Variants in CARMIL2 observed in about 807,000 individuals in gnomAD.
CARMIL2 encodes capping protein regulator and myosin 1 linker 2, also known as capping protein, Arp2/3 and myosin-I linker protein 2.
A neutral mutation model predicts 173.3 loss-of-function variants in CARMIL2; 96 were observed. The observed-to-expected ratio is 0.55, with a 90% CI of 0.47 to 0.66. The LOEUF (loss-of-function observed/expected upper bound fraction) is 0.66. Among genes scored for constraint, CARMIL2 ranks in the 30% least tolerant of loss-of-function variants. The pLI, the probability that CARMIL2 is intolerant of heterozygous loss-of-function variation, is 0.00. For missense variants in CARMIL2, 1,771 were observed against 1,906.7 expected (o/e 0.93, Z 1.33); for synonymous variants, 830 against 817.1 (o/e 1.02, Z -0.27).
At position 67,653,477 on chromosome 16, in the gene CARMIL2, G is replaced by A. The variant is rs1374627438; in HGVS notation, c.3120+223G>A. 6.6e-6 allele frequency among the ~76,000 whole-genome samples: 1 copy of A among 151,996 alleles called. No individual in the cohort carries two copies. The highest frequency in any genetic ancestry group is 2.4e-5 in the African/African-American group (1 of 41,408). On this transcript the variant is annotated intron_variant, in intron 29 of 37. Transcript: ENST00000334583. The surrounding 1 kb of genome is among the most constrained non-coding windows in gnomAD (Gnocchi z 7.4). The stretch of plus-strand genomic sequence containing the variant: ...GCGGGTTCCGTTCGGGGTGTGCCTG[G>A]GTGTGGGACTCCGTCTCGGGGCGGC...
chr16:67,656,265 C>G lies in CARMIL2; in HGVS notation c.3780C>G (p.Ile1260Met), dbSNP rs745425798. ...IMDSSTEAPP[I>M]SIKSRTHSVS... The stretch of plus-strand genomic sequence containing the variant: ...ACAGTTCCACGGAGGCCCCTCCCAT[C>G]TCGATCAAGTCCCGCACCCACTCTG... The change falls in exon 34 of 38, where the codon ATC becomes ATG. Residue 1260 changes from isoleucine (I) to methionine (M), a missense_variant. By Grantham distance (10) the Ile-to-Met change is conservative (BLOSUM62 1). Around this residue, in one of 3 missense-constraint regions of CARMIL2, gnomAD observed 817 missense variants for 903.5 expected, o/e 0.90. Coordinates refer to ENST00000334583, the MANE Select transcript of CARMIL2 (RefSeq NM_001013838.3). The G allele has an allele frequency of 6.2e-7, 1 of 1,614,032 alleles. No individual in the cohort carries two copies. The highest frequency in any genetic ancestry group is 1.1e-5 in the South Asian group (1 of 91,090).
Position 67,652,502 on chromosome 16 carries a change from C to T in CARMIL2, c.2848C>T (p.Leu950Phe). Residue 950 changes from leucine (L) to phenylalanine (F), a missense_variant, in exon 28 of 38, where the codon CTC (leucine) becomes TTC (phenylalanine). Physicochemically the swap from Leu to Phe is conservative, Grantham distance 22. Transcript: ENST00000334583. This position sits in a 1 kb window ranked among gnomAD's most constrained non-coding sequence, Gnocchi z 4.7. ...CAGTCCTCCACAGAAATGGCCTGAG[C>T]TCAGCCACGGTCTTCACCTGGTCCC... The part of the protein sequence containing the change: ...DDSPPQKWPE[L>F]SHGLHLVPFI... The T allele has an allele frequency of 6.2e-7, 1 of 1,613,646 alleles. No individual in the cohort carries two copies. Among genetic ancestry groups the T allele is most frequent in the South Asian group, 1.1e-5 (1 of 91,060 alleles).
rs1163581485 is a variant in CARMIL2 at position 67,645,553 on chromosome 16, G to A, written c.54G>A (p.Arg18=). ...GCCCTTCCACAGGCGAGATCACCAG[G>A]TTCCTGTGGCCCAAAGAGGTGGAGC... ...ISCELRGEIT[R]FLWPKEVELL... Residue 18 remains arginine, a synonymous_variant, in exon 2 of 38, where the codon AGG becomes AGA. Transcript: ENST00000334583. 2 of 1,606,366 alleles carry A rather than the reference G, an allele frequency of 1.2e-6. No homozygotes were observed. The highest frequency in any genetic ancestry group is 1.7e-6 in the Non-Finnish European group (2 of 1,176,616).
chr16:67,652,748 C>A lies in CARMIL2; in HGVS notation c.2884+210C>A, dbSNP rs1027423873. 1.3e-5 allele frequency among the ~76,000 whole-genome samples: 2 copies of A among 152,242 alleles called. No individual in the cohort carries two copies. Among genetic ancestry groups the A allele is most frequent in the South Asian group, 2.1e-4 (1 of 4,832 alleles). On this transcript the variant is annotated intron_variant, in intron 28 of 37. Coordinates refer to ENST00000334583, the MANE Select transcript of CARMIL2 (RefSeq NM_001013838.3). This position sits in a 1 kb window ranked among gnomAD's most constrained non-coding sequence, Gnocchi z 4.7. ...GGACCTGGGCGGATCTGGGACAGGA[C>A]ACCGGCTCAGCTCGCCTCCCCGCGC...
rs985801648 is a variant in CARMIL2, at chr16:67,651,302, A to G, written c.2300A>G (p.Asn767Ser). The change falls in exon 23 of 38, where the codon AAC (asparagine) becomes AGC (serine). Residue 767 changes from asparagine (N) to serine (S), a missense_variant. Transcript: ENST00000334583. This position sits in a 1 kb window ranked among gnomAD's most constrained non-coding sequence, Gnocchi z 4.2. Reference sequence around the variant, plus strand: ...GCCGAGGATGCCATCCAAAATGCCAACTTCTCTCTCAGCGTGAGCACTCCC... The same window carrying G: ...GCCGAGGATGCCATCCAAAATGCCAGCTTCTCTCTCAGCGTGAGCACTCCC... ...RQAEDAIQNA[N>S]FSLSILPILY... is the part of the protein sequence containing the mutation. The G allele has an allele frequency of 2.5e-6, 4 of 1,613,572 alleles. No individual in the cohort carries two copies. Among genetic ancestry groups the G allele is most frequent in the Non-Finnish European group, 3.4e-6 (4 of 1,179,838 alleles).
chr16:67,646,503 C>G lies in CARMIL2; in HGVS notation c.452C>G (p.Pro151Arg), dbSNP rs1238747874. 1.2e-6 allele frequency: 2 copies of G among 1,613,206 alleles called. No individual in the cohort carries two copies. Among genetic ancestry groups the G allele is most frequent in the Admixed American group, 3.3e-5 (2 of 59,974 alleles). Reference sequence around the variant, plus strand: ...AGCAGCCCCTCGGAGTCCACTGACCCCTGCAGCCCCTGTGGTAAGGGTGAA... The same window carrying G: ...AGCAGCCCCTCGGAGTCCACTGACCGCTGCAGCCCCTGTGGTAAGGGTGAA... Reference protein sequence around the residue: ...ERSSPSESTDPCSPCGGFLET... With the variant: ...ERSSPSESTDRCSPCGGFLET... The change falls in exon 6 of 38, where the codon CCC becomes CGC. Residue 151 changes from proline to arginine, a missense_variant. By Grantham distance (103) the Pro-to-Arg change is moderately radical. This residue lies in a region of CARMIL2 where 944 missense variants were observed against 975.6 expected (regional missense o/e 0.97). Transcript: ENST00000334583. The surrounding 1 kb of genome is among the most constrained non-coding windows in gnomAD (Gnocchi z 4.6).
At chr16:67,650,507 C>A in intron 22 of CARMIL2, 1 of 339,802 alleles carries the variant, frequency 2.9e-6, no homozygotes, top group Admixed American at 4.5e-5. Context: ...TCACTGTCTT[C>A]ATCTCCCTCC....
At position 67,654,346 on chromosome 16, in the gene CARMIL2, A is replaced by T. The variant is rs1464774467; in HGVS notation, c.3236A>T (p.Glu1079Val). Residue 1079 changes from glutamate (E) to valine (V), a missense_variant, in exon 31 of 38, where the codon GAG becomes GTG. Glu to Val is a moderately radical substitution (Grantham distance 121). Coordinates refer to ENST00000334583, the MANE Select transcript of CARMIL2 (RefSeq NM_001013838.3). ...IQQDRLWAPE[E>V]DPATEGGATP... is the part of the protein sequence containing the mutation. ...TGTCCCCACAGCTGGGCCCCCGAGG[A>T]GGACCCGGCCACTGAGGGGGGCGCC... The T allele has an allele frequency of 6.3e-7, 1 of 1,597,170 alleles. No homozygotes were observed.
rs771155323 is a variant in CARMIL2 at position 67,652,005 on chromosome 16, G to T, written c.2673G>T (p.Gln891His). 1.2e-6 allele frequency: 2 copies of T among 1,613,462 alleles called. No homozygotes were observed. Among genetic ancestry groups the T allele is most frequent in the Non-Finnish European group, 1.7e-6 (2 of 1,179,832 alleles). The change falls in exon 26 of 38, where the codon CAG becomes CAT. Residue 891 changes from glutamine to histidine, a missense_variant. Around this residue, in one of 3 missense-constraint regions of CARMIL2, gnomAD observed 817 missense variants for 903.5 expected, o/e 0.90. Transcript: ENST00000334583. The surrounding 1 kb of genome is among the most constrained non-coding windows in gnomAD (Gnocchi z 4.7). ...ALAGLSAARD[Q>H]LVESLAQQAT... ...CAGGCCTGAGTGCAGCCCGGGATCAGCTGGTGAGGGGGAGATGTGCACACA... is the reference window on the plus strand; with the variant it reads ...CAGGCCTGAGTGCAGCCCGGGATCATCTGGTGAGGGGGAGATGTGCACACA...
rs558193571 is a variant in CARMIL2, at chr16:67,647,350, C to G, written c.739C>G (p.Leu247Val). 3.8e-5 allele frequency: 61 copies of G among 1,585,234 alleles called. No individual in the cohort carries two copies. Among genetic ancestry groups the G allele is most frequent in the Non-Finnish European group, 5.1e-5 (60 of 1,165,722 alleles). ...ILHMMSQSSH[L>V]EELVLETCSL... Reference sequence around the variant, plus strand: ...GCACATGATGAGTCAGTCATCACACCTGGAGGAGCTGGTGCTGGAGACCTG... The same window carrying G: ...GCACATGATGAGTCAGTCATCACACGTGGAGGAGCTGGTGCTGGAGACCTG... The change falls in exon 10 of 38, where the codon CTG (leucine) becomes GTG (valine). Residue 247 changes from leucine to valine, a missense_variant. By Grantham distance (32) the Leu-to-Val change is conservative. Transcript: ENST00000334583.
intron 22 of CARMIL2, chr16:67,650,373 G>A (rs1247520715): frequency 5.2e-6 from 3 of 577,026 alleles, no homozygotes; most frequent in East Asian, 5.7e-5. Context: ...TAAACAGGCT[G>A]TCCTGTTAGA....
Position 67,647,862 on chromosome 16 carries a change from C to T in CARMIL2, c.975C>T (p.Gly325=), listed in dbSNP as rs769313219. 1.1e-5 allele frequency: 17 copies of T among 1,609,514 alleles called. No individual in the cohort carries two copies. Among genetic ancestry groups the T allele is most frequent in the Non-Finnish European group, 1.3e-5 (15 of 1,178,302 alleles). Residue 325 remains glycine (G), a synonymous_variant, in exon 13 of 38, where the codon GGC becomes GGT. Transcript: ENST00000334583. ...GLTPRGMRAL[G]RALATNAAFD... ...CACCACCAGGAATGAGGGCTCTGGG[C>T]CGGGCACTGGCCACCAATGCCGCCT... is the stretch of plus-strand genomic sequence containing the variant.
intron 36 of CARMIL2, 85 bp downstream of exon 36, chr16:67,656,966 T>C: frequency 8.9e-7 from 1 of 1,128,412 alleles, no homozygotes; most frequent in South Asian, 1.5e-5. Context: ...GCTTTGGTCC[T>C]TGGAGGGAGC....
chr16:67,649,798 C>T lies in CARMIL2; in HGVS notation c.1920-8C>T. On this transcript the variant is annotated splice_region_variant and splice_polypyrimidine_tract_variant and intron_variant, in intron 20 of 37. Coordinates refer to ENST00000334583, the MANE Select transcript of CARMIL2 (RefSeq NM_001013838.3). This position sits in a 1 kb window ranked among gnomAD's most constrained non-coding sequence, Gnocchi z 6.7. ...CTCCGTCCCCGACTGAAGCCAGGCC[C>T]GGCCCAGGTCTGTGGTCTGGGACCG... is the stretch of plus-strand genomic sequence containing the variant. 2 of 1,607,978 alleles carry T rather than the reference C, an allele frequency of 1.2e-6. No homozygotes were observed. Among genetic ancestry groups the T allele is most frequent in the Non-Finnish European group, 1.7e-6 (2 of 1,176,730 alleles).
In CARMIL2 at chr16:67,654,778, C is replaced by T. The variant is rs757751829; in HGVS notation, c.3583C>T (p.Arg1195Trp). ...EATLGARPDK[R>W]RPLERGETEL... ...CCAACTCGAGCATCTCTGTCCCTAG[C>T]GGCGGCCCCTGGAGCGGGGAGAAAC... The change falls in exon 32 of 38, where the codon CGG becomes TGG. Residue 1195 changes from arginine (R) to tryptophan (W), a missense_variant and splice_region_variant. Coordinates refer to ENST00000334583, the MANE Select transcript of CARMIL2 (RefSeq NM_001013838.3). The T allele has an allele frequency of 2.5e-5, 40 of 1,613,186 alleles. No homozygotes were observed. Among genetic ancestry groups the T allele is most frequent in the Non-Finnish European group, 3.2e-5 (38 of 1,179,862 alleles).
Position 67,646,785 on chromosome 16 carries a change from G to GT in CARMIL2, c.537+2dup, listed in dbSNP as rs1567627087. 6.2e-7 allele frequency: 1 copy of GT among 1,613,962 alleles called. No homozygotes were observed. Among genetic ancestry groups the GT allele is most frequent in the East Asian group, 2.2e-5 (1 of 44,890 alleles). The stretch of plus-strand genomic sequence containing the variant: ...CCCTTTCCGAGAGGAGATTCAGTGG[G>GT]TGAGGGTAGGGCCCTTTTGAAGGGC... On this transcript the variant is annotated splice_donor_variant, in intron 7 of 37. Coordinates refer to ENST00000334583, the MANE Select transcript of CARMIL2 (RefSeq NM_001013838.3). LOFTEE classifies it high-confidence loss of function. The surrounding 1 kb of genome is among the most constrained non-coding windows in gnomAD (Gnocchi z 4.6).
rs1175031920 is a variant in CARMIL2 at position 67,652,496 on chromosome 16, C to T, written c.2842C>T (p.Pro948Ser). ...GGATGACAGTCCTCCACAGAAATGG[C>T]CTGAGCTCAGCCACGGTCTTCACCT... ...EKDDSPPQKW[P>S]ELSHGLHLVP... Residue 948 changes from proline (P) to serine (S), a missense_variant, in exon 28 of 38, where the codon CCT becomes TCT. Pro to Ser is a moderately conservative substitution (Grantham distance 74). Transcript: ENST00000334583. The surrounding 1 kb of genome is among the most constrained non-coding windows in gnomAD (Gnocchi z 4.7). The T allele has an allele frequency of 3.7e-6, 6 of 1,613,510 alleles. No individual in the cohort carries two copies. In the Admixed American group the frequency reaches 5.0e-5, roughly 13 times the overall value.
At position 67,651,830 on chromosome 16, in the gene CARMIL2, C is replaced by A. The variant is rs2052729231; in HGVS notation, c.2573C>A (p.Ala858Asp). 1 of 1,612,260 alleles carries A rather than the reference C, an allele frequency of 6.2e-7. No homozygotes were observed. Among genetic ancestry groups the A allele is most frequent in the Admixed American group, 1.7e-5 (1 of 59,886 alleles). The change falls in exon 25 of 38, where the codon GCC becomes GAC. Residue 858 changes from alanine (A) to aspartate (D), a missense_variant. Physicochemically the swap from Ala to Asp is moderately radical, Grantham distance 126. Transcript: ENST00000334583. This position sits in a 1 kb window ranked among gnomAD's most constrained non-coding sequence, Gnocchi z 4.2. ...CTCCCAGAGCAGCTGCTGCAAGATG[C>A]CTTCACTAGGCTCAGGTAGGCTGGA... ...ELLPEQLLQDAFTRLRDMRLS... is the reference protein window; with the variant it reads ...ELLPEQLLQDDFTRLRDMRLS...
chr16:67,648,525 GC>G lies in CARMIL2; in HGVS notation c.1439+28del. 6.9e-7 allele frequency: 1 copy of G among 1,452,448 alleles called. No individual in the cohort carries two copies. The highest frequency in any genetic ancestry group is 9.1e-7 in the Non-Finnish European group (1 of 1,094,394). The allele number at this position is 1,452,448 out of a possible 1,614,324, so 90.0% of individuals were successfully genotyped here. On this transcript the variant is annotated intron_variant, in intron 15 of 37. Transcript: ENST00000334583. This position sits in a 1 kb window ranked among gnomAD's most constrained non-coding sequence, Gnocchi z 6.1. ...CAGGTCAGTGTCGGACCCCGGCCAC[GC>G]CCCCGCGGGCGCTCCCACCCTGCCC...
Sources: gnomAD v4.1 joint callset for allele counts (sites outside exome capture counted in the v4.1 genomes callset) on GRCh38, gnomAD v4.1.1 for gene constraint, gnomAD v4.1.1 regional missense constraint, Gnocchi (gnomAD v3.1) non-coding constraint, MANE v1.5 for transcripts, NCBI Gene and HGNC (gene_info 2026-07-23, HGNC 2026-07-21) for gene names.